Variants in CSMD1 observed in about 807,000 individuals in gnomAD.
CSMD1 encodes CUB and sushi domain-containing protein 1.
In CSMD1, 213 loss-of-function variants were observed where a neutral mutation model predicts 417.5. The ratio of observed to expected loss-of-function variants is 0.51; its 90% confidence interval spans 0.46 to 0.57. The LOEUF (loss-of-function observed/expected upper bound fraction) is 0.57. Among genes scored for constraint, CSMD1 ranks in the 20% least tolerant of loss-of-function variants. The pLI, the probability that CSMD1 is intolerant of heterozygous loss-of-function variation, is 0.00. For synonymous variants in CSMD1, 2,862 were observed against 1,736.8 expected (o/e 1.65, Z -16.11); for missense variants, 6,923 against 4,529.7 (o/e 1.53, Z -15.17).
intron 3 of CSMD1, among the ~76,000 whole-genome samples, chr8:4,115,663 G>A (rs145113209): frequency 2.4e-4 from 36 of 152,178 alleles, no homozygotes; most frequent in African/African-American, 8.4e-4. Context: ...GCCCATAATT[G>A]CTAAAATTTG....
chr8:4,234,579 T>C (rs902500732), intron 3 of CSMD1, among the ~76,000 whole-genome samples: 1 of 152,218 alleles, frequency 6.6e-6, no homozygotes, highest in Non-Finnish European at 1.5e-5. Context: ...TCTGCGCTGC[T>C]TTTTTAATTG....
At chr8:3,846,688 C>G (rs1803526992) in intron 5 of CSMD1, among the ~76,000 whole-genome samples, 1 of 152,144 alleles carries the variant, frequency 6.6e-6, no homozygotes, top group South Asian at 2.1e-4. Context: ...GATGGAGTTT[C>G]TCTCTGTCGC....
At chr8:3,481,092 C>T (rs559272771) in intron 11 of CSMD1, among the ~76,000 whole-genome samples, 1 of 140,760 alleles carries the variant, frequency 7.1e-6, no homozygotes, top group Non-Finnish European at 1.5e-5. Context: ...GAAGGCGGAG[C>T]TTGCAGTGAG....
At chr8:4,748,160 T>C (rs575803217) in intron 1 of CSMD1, among the ~76,000 whole-genome samples, 33 of 152,270 alleles carry the variant, frequency 2.2e-4, no homozygotes, top group African/African-American at 7.9e-4. Flanking sequence ...ACCCACAACA[T>C]GTTTCTACTC....
At chr8:2,956,548 G>C (rs1803022918) in intron 63 of CSMD1, among the ~76,000 whole-genome samples, 1 of 151,838 alleles carries the variant, frequency 6.6e-6, no homozygotes, top group African/African-American at 2.4e-5. Context: ...CCTCCTCCTG[G>C]GTTCACGCCA....
In CSMD1 at chr8:3,308,263, A is replaced by C. The variant is rs1038723634; in HGVS notation, c.3823+49T>G. 4.2e-6 allele frequency: 6 copies of C among 1,428,644 alleles called. No homozygotes were observed. The Admixed American group carries it at 5.6e-5, about 13-fold the overall frequency. 88.5% of individuals were successfully genotyped at this position (1,428,644 alleles called of 1,614,324 possible). A position where few individuals can be genotyped will look rare whatever the true frequency, so the allele number is the denominator to read the frequency against. On this transcript the variant is annotated intron_variant, in intron 24 of 69. Coordinates refer to ENST00000635120, the MANE Select transcript of CSMD1 (RefSeq NM_033225.6). ...GAAGTCAATGCAACATGGTGCAAGC[A>C]CCCTAAGGCCTGGCTTTTGCACAAT...
intron 3 of CSMD1, among the ~76,000 whole-genome samples, chr8:4,343,029 AC>A (rs1411667817): frequency 6.6e-6 from 1 of 152,024 alleles, no homozygotes; most frequent in Non-Finnish European, 1.5e-5. Flanking sequence ...GCCTCCTCCA[AC>A]CCTCATATTC....
At chr8:4,347,244 A>G (rs1158704124) in intron 3 of CSMD1, among the ~76,000 whole-genome samples, 2 of 152,128 alleles carry the variant, frequency 1.3e-5, no homozygotes, top group African/African-American at 4.8e-5. Context: ...TTAAAATGAA[A>G]CAGACATCCA....
chr8:3,713,106 T>C (rs1400762448), intron 6 of CSMD1, among the ~76,000 whole-genome samples: 2 of 152,180 alleles, frequency 1.3e-5, no homozygotes, highest in Non-Finnish European at 2.9e-5. Context: ...TAACAACATT[T>C]AGGAAGATAA....
intron 2 of CSMD1, among the ~76,000 whole-genome samples, chr8:4,429,781 T>A (rs1797767089): frequency 6.6e-6 from 1 of 152,142 alleles, no homozygotes; most frequent in Admixed American, 6.6e-5. Context: ...CCCGTATTTG[T>A]TGAAATATAC....
rs1427357539 is a variant in CSMD1 at position 3,234,588 on chromosome 8, C to T, written c.4154-4357G>A. Among the ~76,000 whole-genome samples the T allele has an allele frequency of 2.0e-5, 3 of 152,104 alleles. No homozygotes were observed. The East Asian group carries it at 5.8e-4, about 29-fold the overall frequency. ...ACCGGAAGGCCATTGCTGTACTTTCCCACTTTCCTCCCATCAGCTGCAAAG... is the reference window on the plus strand; with the variant it reads ...ACCGGAAGGCCATTGCTGTACTTTCTCACTTTCCTCCCATCAGCTGCAAAG... On this transcript the variant is annotated intron_variant, in intron 26 of 69. Coordinates refer to ENST00000635120, the MANE Select transcript of CSMD1 (RefSeq NM_033225.6).
intron 3 of CSMD1, among the ~76,000 whole-genome samples, chr8:4,412,716 T>G (rs1796716150): frequency 6.6e-6 from 1 of 152,182 alleles, no homozygotes; most frequent in Non-Finnish European, 1.5e-5. Flanking sequence ...TATAAAGACA[T>G]AGTGAAAAGT....
intron 26 of CSMD1, among the ~76,000 whole-genome samples, chr8:3,258,690 C>G (rs1255224368): frequency 1.3e-5 from 2 of 152,160 alleles, no homozygotes; most frequent in Non-Finnish European, 2.9e-5. Context: ...TGGAAGCAAC[C>G]TAAATGCCCA....
intron 1 of CSMD1, among the ~76,000 whole-genome samples, chr8:4,740,290 T>TTA (rs2117000867): frequency 6.6e-6 from 1 of 152,288 alleles, no homozygotes; most frequent in South Asian, 2.1e-4. Flanking sequence ...TTGAAGGTCT[T>TTA]TATTATAGGG....
At chr8:3,371,382 A>G (rs965442591) in intron 18 of CSMD1, among the ~76,000 whole-genome samples, 1 of 152,210 alleles carries the variant, frequency 6.6e-6, no homozygotes, top group Non-Finnish European at 1.5e-5. Flanking sequence ...GAAGAATGAA[A>G]TAAGTGAATA....
chr8:3,930,174 G>C (rs964829702), intron 5 of CSMD1, among the ~76,000 whole-genome samples: 1 of 150,086 alleles, frequency 6.7e-6, no homozygotes, highest in Non-Finnish European at 1.5e-5. Context: ...GAGAACATCA[G>C]TTATACTTGC....
chr8:4,164,290 A>C (rs1797331455), intron 3 of CSMD1, among the ~76,000 whole-genome samples: 1 of 152,214 alleles, frequency 6.6e-6, no homozygotes, highest in African/African-American at 2.4e-5. Flanking sequence ...TAATGGATAC[A>C]AATGATAAAT....
intron 3 of CSMD1, among the ~76,000 whole-genome samples, chr8:4,189,726 A>G (rs1322578355): frequency 6.6e-6 from 1 of 152,094 alleles, no homozygotes; most frequent in Non-Finnish European, 1.5e-5. Flanking sequence ...ATTCTAATTA[A>G]TACTTTTGAC....
intron 1 of CSMD1, among the ~76,000 whole-genome samples, chr8:4,874,388 ATTTTTTT>A: frequency 7.5e-6 from 1 of 133,518 alleles, no homozygotes; most frequent in African/African-American, 2.8e-5. Context: ...ATCCGATTGT[ATTTTTTT>A]TTTTTTTTTT....
Sources: allele counts gnomAD v4.1 joint callset (sites outside exome capture counted in the v4.1 genomes callset), GRCh38; gene constraint gnomAD v4.1.1; transcripts MANE v1.5; gene names NCBI Gene and HGNC (gene_info 2026-07-23, HGNC 2026-07-21).